Variants in CAST observed in about 807,000 individuals in gnomAD.
The protein encoded by CAST is MIR583 host.
CAST carries 76 observed loss-of-function variants against 119.6 expected under a neutral mutation model. The observed-to-expected ratio is 0.64, with a 90% CI of 0.53 to 0.77. The LOEUF is 0.77. Among genes scored for constraint, CAST ranks in the 30% least tolerant of loss-of-function variants. The pLI, the probability that CAST is intolerant of heterozygous loss-of-function variation, is 0.00. For synonymous variants in CAST, 319 were observed against 331.6 expected (o/e 0.96, Z 0.41); for missense variants, 953 against 946.5 (o/e 1.01, Z -0.09).
At chr5:96,330,624 A>C in the CAST span, among the ~76,000 whole-genome samples, 1 of 152,364 alleles carries the variant, frequency 6.6e-6, no homozygotes, top group East Asian at 1.9e-4. Context: ...AACAATCAGC[A>C]TATGACTTCA....
the CAST span, among the ~76,000 whole-genome samples, chr5:96,068,058 G>A: frequency 6.6e-6 from 1 of 152,182 alleles, no homozygotes; most frequent in Admixed American, 6.5e-5. Flanking sequence ...GGGAGAGAGT[G>A]TGAGGGAAGA....
At chr5:96,118,982 C>T in the CAST span, among the ~76,000 whole-genome samples, 2 of 152,062 alleles carry the variant, frequency 1.3e-5, no homozygotes, top group Admixed American at 6.6e-5. Flanking sequence ...AGCAGCAAGC[C>T]AGGGTACTTC....
the CAST span, among the ~76,000 whole-genome samples, chr5:96,502,614 G>GTCTTCCTT: frequency 7.0e-6 from 1 of 143,178 alleles, no homozygotes; most frequent in African/African-American, 2.7e-5. Flanking sequence ...AAGTTACCTA[G>GTCTTCCTT]TCTTTCTTTC....
chr5:96,000,818 A>G, the CAST span, among the ~76,000 whole-genome samples: 2 of 152,248 alleles, frequency 1.3e-5, no homozygotes, highest in Non-Finnish European at 2.9e-5. Context: ...TGACTAATAA[A>G]GAGTTCAGAT....
chr5:96,145,069 C>T, the CAST span, among the ~76,000 whole-genome samples: 4 of 152,304 alleles, frequency 2.6e-5, no homozygotes, highest in Admixed American at 2.6e-4. Context: ...GCTTTTGACT[C>T]TTAGCTTTAA....
intron 1 of CAST, among the ~76,000 whole-genome samples, chr5:96,576,577 T>C (rs1364812886): frequency 6.6e-6 from 1 of 152,138 alleles, no homozygotes; most frequent in African/African-American, 2.4e-5. Flanking sequence ...ACTTCTGGCC[T>C]CAAGTGATCC....
the CAST span, among the ~76,000 whole-genome samples, chr5:96,389,805 C>T: frequency 6.6e-6 from 1 of 152,094 alleles, no homozygotes; most frequent in Admixed American, 6.5e-5. Flanking sequence ...TGTGGCGGTG[C>T]ACACCTGTAG....
the CAST span, among the ~76,000 whole-genome samples, chr5:96,505,761 C>A: frequency 6.6e-6 from 1 of 152,212 alleles, no homozygotes; most frequent in Non-Finnish European, 1.5e-5. Flanking sequence ...TTTGGGTGCA[C>A]AGGCCTTGTC....
At chr5:96,457,758 T>C in the CAST span, among the ~76,000 whole-genome samples, 1 of 152,188 alleles carries the variant, frequency 6.6e-6, no homozygotes, top group Non-Finnish European at 1.5e-5. Flanking sequence ...GAATGAACCG[T>C]CACTGTCCTC....
intron 3 of CAST, among the ~76,000 whole-genome samples, chr5:96,708,484 T>C (rs1755461132): frequency 6.6e-6 from 1 of 152,208 alleles, no homozygotes; most frequent in Admixed American, 6.5e-5. Flanking sequence ...CAGATTTTTC[T>C]ATTGTTTTAG....
At position 96,662,944 on chromosome 5, in the gene CAST, G is replaced by C. The variant is rs1748764216; in HGVS notation, c.75+447G>C. 1.5e-5 allele frequency: 9 copies of C among 591,612 alleles called. No individual in the cohort carries two copies. The South Asian group carries it at 1.6e-4, about 11-fold the overall frequency. 36.6% of individuals were successfully genotyped at this position (591,612 alleles called of 1,614,324 possible). On this transcript the variant is annotated intron_variant, in intron 1 of 31. Transcript: ENST00000675179. Reference sequence around the variant, plus strand: ...ACCAGCCTCGAGCCAAATTGGGCGGGCGAGGAGGGGCGGGGCCTGCGCCGG... The same window carrying C: ...ACCAGCCTCGAGCCAAATTGGGCGGCCGAGGAGGGGCGGGGCCTGCGCCGG...
the CAST span, chr5:96,399,947 A>T: frequency 6.3e-7 from 1 of 1,599,034 alleles, no homozygotes; most frequent in Non-Finnish European, 8.6e-7. Context: ...TCCAGGAGAT[A>T]CTTACCTGGG....
chr5:96,273,850 C>G, the CAST span, among the ~76,000 whole-genome samples: 1 of 144,858 alleles, frequency 6.9e-6, no homozygotes, highest in Non-Finnish European at 1.5e-5. Context: ...GTAAATAGAT[C>G]AGTGAAGTAC....
At chr5:96,574,501 T>C (rs1746630855) in intron 1 of CAST, among the ~76,000 whole-genome samples, 1 of 152,214 alleles carries the variant, frequency 6.6e-6, no homozygotes, top group Non-Finnish European at 1.5e-5. Context: ...TTCATCTTTT[T>C]TCAACATGGG....
the CAST span, among the ~76,000 whole-genome samples, chr5:96,345,375 A>G: frequency 6.6e-6 from 1 of 152,138 alleles, no homozygotes; most frequent in Non-Finnish European, 1.5e-5. Context: ...TACCAGAAAC[A>G]GGAGATTTGT....
the CAST span, among the ~76,000 whole-genome samples, chr5:96,431,115 T>A: frequency 2.0e-5 from 3 of 152,176 alleles, no homozygotes; most frequent in African/African-American, 7.2e-5. Flanking sequence ...TCCACCCCCA[T>A]AGGTCATACA....
the CAST span, among the ~76,000 whole-genome samples, chr5:96,357,113 C>T: frequency 6.6e-6 from 1 of 152,132 alleles, no homozygotes; most frequent in Admixed American, 6.6e-5. Context: ...GGAGTTCACT[C>T]ATGATCTGGC....
the CAST span, among the ~76,000 whole-genome samples, chr5:96,447,359 C>T: frequency 6.6e-6 from 1 of 152,304 alleles, no homozygotes; most frequent in South Asian, 2.1e-4. Flanking sequence ...GCATAAGGAC[C>T]AATTTCCAGA....
intron 1 of CAST, among the ~76,000 whole-genome samples, chr5:96,665,847 T>C (rs1037213140): frequency 6.6e-6 from 1 of 152,150 alleles, no homozygotes. Context: ...GTATAATACA[T>C]ATGTAGACAT....
Sources: gnomAD v4.1 joint callset for allele counts (sites outside exome capture counted in the v4.1 genomes callset) on GRCh38, gnomAD v4.1.1 for gene constraint, MANE v1.5 for transcripts, NCBI Gene and HGNC (gene_info 2026-07-23, HGNC 2026-07-21) for gene names.